ST6GALNAC5: variants seen among roughly 807,000 people sequenced by gnomAD.
ST6GALNAC5 encodes ST6 N-acetylgalactosaminide alpha-2,6-sialyltransferase 5.
A neutral mutation model predicts 33.6 loss-of-function variants in ST6GALNAC5; 27 were observed. The ratio of observed to expected loss-of-function variants is 0.80; its 90% confidence interval spans 0.59 to 1.11. ST6GALNAC5 has a LOEUF of 1.11. Ranked by LOEUF, ST6GALNAC5 falls within the 50% of genes least tolerant of loss-of-function variation. The probability of loss-of-function intolerance (pLI) is 0.00; values close to 1 mark genes in which losing one functional copy is unlikely to be tolerated. For synonymous variants in ST6GALNAC5, 194 were observed against 171.2 expected, an observed-to-expected ratio of 1.13 and a Z score of -1.04; for missense variants, 428 against 454.0, an observed-to-expected ratio of 0.94 and a Z score of 0.52.
At chr1:77,040,960 T>G (rs1651812109) in intron 2 of ST6GALNAC5, among the ~76,000 whole-genome samples, 1 of 152,206 alleles carries the variant, frequency 6.6e-6, no homozygotes, top group South Asian at 2.1e-4. Context: ...AGTGTCAAAG[T>G]CAGTCCTGCC....
intron 2 of ST6GALNAC5, among the ~76,000 whole-genome samples, chr1:76,924,509 T>C (rs535301752): frequency 2.6e-5 from 4 of 152,194 alleles, no homozygotes; most frequent in Non-Finnish European, 5.9e-5. Flanking sequence ...GCATTTAATA[T>C]ACTGTTCTTT....
chr1:76,915,045 A>G (rs1646955519), intron 2 of ST6GALNAC5, among the ~76,000 whole-genome samples: 1 of 152,018 alleles, frequency 6.6e-6, no homozygotes, highest in East Asian at 1.9e-4. Flanking sequence ...ATGAACAGAC[A>G]CTTCTCAAAA....
At chr1:76,893,029 G>A (rs942367752) in intron 2 of ST6GALNAC5, among the ~76,000 whole-genome samples, 1 of 152,104 alleles carries the variant, frequency 6.6e-6, no homozygotes, top group Non-Finnish European at 1.5e-5. Context: ...GAGGTTCCTA[G>A]ACAACAGGAT....
chr1:77,009,263 T>C (rs1347836999), intron 2 of ST6GALNAC5, among the ~76,000 whole-genome samples: 1 of 152,154 alleles, frequency 6.6e-6, no homozygotes, highest in Non-Finnish European at 1.5e-5. Context: ...ATTTTCCTCT[T>C]TGGACTTAGC....
intron 2 of ST6GALNAC5, among the ~76,000 whole-genome samples, chr1:77,008,288 T>C (rs1162407502): frequency 6.6e-6 from 1 of 152,118 alleles, no homozygotes; most frequent in East Asian, 1.9e-4. Context: ...TGGGGGAGAA[T>C]TAGGAGACAG....
chr1:77,010,125 C>T (rs996273024), intron 2 of ST6GALNAC5, among the ~76,000 whole-genome samples: 5 of 152,152 alleles, frequency 3.3e-5, no homozygotes, highest in Admixed American at 6.5e-5. Flanking sequence ...TATCCAGGCC[C>T]TAACACAGGG....
chr1:77,016,338 C>T (rs1414615671), intron 2 of ST6GALNAC5, among the ~76,000 whole-genome samples: 1 of 148,058 alleles, frequency 6.8e-6, no homozygotes, highest in Admixed American at 6.8e-5. Context: ...TCTTTCTCCA[C>T]TCCTCCTCAT....
At chr1:76,884,521 G>T (rs919547417) in intron 2 of ST6GALNAC5, among the ~76,000 whole-genome samples, 2 of 152,148 alleles carry the variant, frequency 1.3e-5, no homozygotes, top group African/African-American at 4.8e-5. Flanking sequence ...TAAAAGTGCC[G>T]CAGGAAAAGG....
At chr1:77,020,204 C>A (rs1213506805) in intron 2 of ST6GALNAC5, among the ~76,000 whole-genome samples, 1 of 152,086 alleles carries the variant, frequency 6.6e-6, no homozygotes, top group Non-Finnish European at 1.5e-5. Flanking sequence ...AACAAGCATG[C>A]TTTTGAGGGG....
intron 4 of ST6GALNAC5, among the ~76,000 whole-genome samples, chr1:77,056,080 C>A (rs1192472062): frequency 6.6e-6 from 1 of 152,148 alleles, no homozygotes; most frequent in East Asian, 1.9e-4. Flanking sequence ...AGGCATCAGC[C>A]CCCATCCTGC....
chr1:76,893,997 C>T (rs768383282), intron 2 of ST6GALNAC5, among the ~76,000 whole-genome samples: 1 of 152,152 alleles, frequency 6.6e-6, no homozygotes, highest in Non-Finnish European at 1.5e-5. Flanking sequence ...TTCTTTAACC[C>T]TGAGATGTGG....
In ST6GALNAC5 at chr1:76,945,615, A is replaced by T. The variant is rs577148835; in HGVS notation, c.261+76873A>T. The stretch of plus-strand genomic sequence containing the variant: ...TTAATTTGTAGAGGATATTTAATTT[A>T]CTCTTTTCTGGAATATATGATAATC... On this transcript the variant is annotated intron_variant, in intron 2 of 4. Coordinates refer to ENST00000477717, the MANE Select transcript of ST6GALNAC5 (RefSeq NM_030965.3). Among the ~76,000 whole-genome samples the T allele has an allele frequency of 3.8e-4, 58 of 152,134 alleles. 1 individual carries two copies. The highest frequency in any genetic ancestry group is 1.2e-3 in the African/African-American group (51 of 41,546).
At chr1:76,977,370 A>G (rs1352136431) in intron 2 of ST6GALNAC5, among the ~76,000 whole-genome samples, 1 of 152,144 alleles carries the variant, frequency 6.6e-6, no homozygotes, top group Non-Finnish European at 1.5e-5. Context: ...CAACATTGTT[A>G]TTTATTACAG....
chr1:76,926,855 A>C (rs1256315107), intron 2 of ST6GALNAC5, among the ~76,000 whole-genome samples: 1 of 152,138 alleles, frequency 6.6e-6, no homozygotes, highest in African/African-American at 2.4e-5. Context: ...CTAGGAGAAA[A>C]ATGAAATATT....
chr1:76,894,860 A>G (rs553100399), intron 2 of ST6GALNAC5, among the ~76,000 whole-genome samples: 1 of 152,336 alleles, frequency 6.6e-6, no homozygotes, highest in East Asian at 1.9e-4. Flanking sequence ...TGTGTGAGCA[A>G]TAAAGCTGTT....
chr1:76,874,564 T>C (rs1414945855), intron 2 of ST6GALNAC5, among the ~76,000 whole-genome samples: 1 of 152,176 alleles, frequency 6.6e-6, no homozygotes, highest in African/African-American at 2.4e-5. Context: ...AGTCCGATAT[T>C]CAAGGGCAGG....
chr1:76,972,930 A>C (rs1255180608), intron 2 of ST6GALNAC5, among the ~76,000 whole-genome samples: 1 of 152,102 alleles, frequency 6.6e-6, no homozygotes, highest in Admixed American at 6.6e-5. Flanking sequence ...TATTTTCATA[A>C]GTTTAAGAGA....
At chr1:76,896,724 C>A (rs564511576) in intron 2 of ST6GALNAC5, among the ~76,000 whole-genome samples, 1 of 151,844 alleles carries the variant, frequency 6.6e-6, no homozygotes, top group Non-Finnish European at 1.5e-5. Flanking sequence ...CTGAAGGAGC[C>A]GGGAGCAGAA....
At chr1:77,024,740 G>C in intron 2 of ST6GALNAC5, among the ~76,000 whole-genome samples, 1 of 152,218 alleles carries the variant, frequency 6.6e-6, no homozygotes, top group East Asian at 1.9e-4. Flanking sequence ...CCTGAGCCAA[G>C]ATATGATCTG....
Sources: gnomAD v4.1 joint callset for allele counts (sites outside exome capture counted in the v4.1 genomes callset) on GRCh38, gnomAD v4.1.1 for gene constraint, MANE v1.5 for transcripts, NCBI Gene and HGNC (gene_info 2026-07-23, HGNC 2026-07-21) for gene names.